The following NEB variants were observed in gnomAD, a reference collection of about 807,000 sequenced individuals.
The protein encoded by NEB is nemaline myopathy type 2.
NEB carries 512 observed loss-of-function variants against 952.2 expected under a neutral mutation model. That is an observed-to-expected ratio of 0.54 (90% CI 0.50 to 0.58). NEB has a LOEUF of 0.58. Ranked by LOEUF, NEB falls within the 20% of genes least tolerant of loss-of-function variation. NEB has a pLI of 0.00. For missense variants in NEB, 8,428 were observed against 9,231.1 expected (o/e 0.91, Z 3.56); for synonymous variants, 2,900 against 3,149.8 (o/e 0.92, Z 2.66).
chr2:151,635,583 G>A (rs996411380), intron 64 of NEB, among the ~76,000 whole-genome samples: 4 of 151,904 alleles, frequency 2.6e-5, no homozygotes, highest in African/African-American at 9.7e-5. Flanking sequence ...GTGAGTGCCT[G>A]TAATCCCAGC....
rs772315688 is a variant in NEB at position 151,672,501 on chromosome 2, G to A, written c.4167C>T (p.Ser1389=). The A allele has an allele frequency of 6.2e-7, 1 of 1,614,000 alleles. No individual in the cohort carries two copies. The highest frequency in any genetic ancestry group is 1.1e-5 in the South Asian group (1 of 91,082). Residue 1389 remains serine (S), a synonymous_variant, in exon 37 of 182, where the codon AGC becomes AGT. Transcript: ENST00000397345. ...TSYHTPGDMV[S]ITAAKMAQDV... ...CCTGGGCCATCTTTGCAGCTGTGAT[G>A]CTAACCATGTCCCCAGGGGTATGGT...
chr2:151,527,626 G>T, intron 146 of NEB, 41 bp from the exon 147 acceptor site: 1 of 1,459,170 alleles, frequency 6.9e-7, no homozygotes, highest in South Asian at 1.2e-5. Context: ...TGATTCAGTA[G>T]GCTAAATTCA....
Position 151,642,762 on chromosome 2 carries a change from T to A in NEB, c.8265+3A>T, listed in dbSNP as rs374475460. ...TATCACGCACTATGAATATATTACT[T>A]ACCTCACTGTAATTTACTTTGTTTT... On this transcript the variant is annotated splice_donor_region_variant and intron_variant, in intron 59 of 181. Transcript: ENST00000397345. 4.3e-5 allele frequency: 69 copies of A among 1,606,268 alleles called. No homozygotes were observed. Among genetic ancestry groups the A allele is most frequent in the Middle Eastern group, 1.6e-4 (1 of 6,070 alleles).
At chr2:151,526,870 G>T (rs1468701151) in intron 148 of NEB, 48 bp downstream of exon 148, 5 of 1,297,040 alleles carry the variant, frequency 3.9e-6, no homozygotes, top group Admixed American at 3.9e-5. Flanking sequence ...TACCATGGAA[G>T]ATGGCCCTGA....
chr2:151,718,483 A>G (rs1305661902), intron 9 of NEB, among the ~76,000 whole-genome samples: 3 of 152,140 alleles, frequency 2.0e-5, no homozygotes, highest in African/African-American at 7.2e-5. Context: ...TAAAACCCCA[A>G]CACTGTCCTT....
Position 151,666,304 on chromosome 2 carries a change from G to A in NEB, c.4817C>T (p.Ala1606Val). 1 of 1,613,868 alleles carries A rather than the reference G, an allele frequency of 6.2e-7. No individual in the cohort carries two copies. The highest frequency in any genetic ancestry group is 2.2e-5 in the East Asian group (1 of 44,862). The change falls in exon 41 of 182, where the codon GCC (alanine) becomes GTC (valine). Residue 1606 changes from alanine to valine, a missense_variant. This residue lies in a region of NEB where 2,851 missense variants were observed against 2,791.5 expected (regional missense o/e 1.02). Coordinates refer to ENST00000397345, the MANE Select transcript of NEB (RefSeq NM_001164508.2). Reference sequence around the variant, plus strand: ...GTACTCACGATCAGACTGGATTTTGGCCACATTCATGTAGTGAACCAGTTT... The same window carrying A: ...GTACTCACGATCAGACTGGATTTTGACCACATTCATGTAGTGAACCAGTTT... The part of the protein sequence containing the change: ...DPKLVHYMNV[A>V]KIQSDREYKK...
intron 39 of NEB, among the ~76,000 whole-genome samples, chr2:151,668,414 G>A (rs1393275977): frequency 1.3e-5 from 2 of 152,034 alleles, no homozygotes; most frequent in Admixed American, 6.6e-5. Flanking sequence ...AAAAGCACAG[G>A]AATGTATAGT....
chr2:151,575,653 G>T, intron 107 of NEB, 42 bp downstream of exon 107: 1 of 1,363,316 alleles, frequency 7.3e-7, no homozygotes, highest in Non-Finnish European at 1.0e-6. Context: ...GCCCTGACTG[G>T]GTAACTTTCC....
chr2:151,528,419 A>G (rs75687497), intron 146 of NEB, among the ~76,000 whole-genome samples: 1 of 152,340 alleles, frequency 6.6e-6, no homozygotes, highest in East Asian at 1.9e-4. Context: ...TCAAACATAC[A>G]AAAATGTTGC....
Position 151,535,569 on chromosome 2 carries a change from T to C in NEB, c.21312+122A>G. 3 of 602,960 alleles carry C rather than the reference T, an allele frequency of 5.0e-6. No homozygotes were observed. The South Asian group carries it at 7.0e-5, about 14-fold the overall frequency. The allele number at this position is 602,960 out of a possible 1,614,324, so 37.4% of individuals were successfully genotyped here. ...TATAGAGTCTTTTCCAAATCTTTAG[T>C]TAAAATGAAAACTTAGGATGGCTTT... On this transcript the variant is annotated intron_variant, in intron 142 of 181. Coordinates refer to ENST00000397345, the MANE Select transcript of NEB (RefSeq NM_001164508.2).
chr2:151,566,488 T>C (rs981956677), intron 114 of NEB, among the ~76,000 whole-genome samples: 1 of 152,190 alleles, frequency 6.6e-6, no homozygotes, highest in Non-Finnish European at 1.5e-5. Flanking sequence ...CTTTTGTTAA[T>C]GATGAGAAGA....
At position 151,535,857 on chromosome 2, in the gene NEB, G is replaced by A; in HGVS notation, c.21208-62C>T. ...TATGATTATCTTAAGAATGAGACAT[G>A]CTGTTTATCATATGATATAATTGTG... On this transcript the variant is annotated intron_variant, in intron 141 of 181. Coordinates refer to ENST00000397345, the MANE Select transcript of NEB (RefSeq NM_001164508.2). The A allele has an allele frequency of 4.7e-6, 4 of 852,852 alleles. No homozygotes were observed. The Admixed American group carries it at 9.2e-5, about 20-fold the overall frequency. 52.8% of individuals were successfully genotyped at this position (852,852 alleles called of 1,614,324 possible).
At chr2:151,517,231 G>A (rs1225056342) in intron 156 of NEB, among the ~76,000 whole-genome samples, 7 of 152,150 alleles carry the variant, frequency 4.6e-5, no homozygotes, top group Non-Finnish European at 1.5e-5. Context: ...AAGAATCAGG[G>A]GAGCCACATA....
chr2:151,525,167 C>T lies in NEB; in HGVS notation c.22268G>A (p.Ser7423Asn), dbSNP rs759974940. 8 of 1,612,458 alleles carry T rather than the reference C, an allele frequency of 5.0e-6. No homozygotes were observed. Among genetic ancestry groups the T allele is most frequent in the Non-Finnish European group, 6.8e-6 (8 of 1,178,592 alleles). Reference sequence around the variant, plus strand: ...GTGTTGAGAGGGAAAACTTACATCACTTTGCTTCTTGGCCACTTCCATAGC... The same window carrying T: ...GTGTTGAGAGGGAAAACTTACATCATTTTGCTTCTTGGCCACTTCCATAGC... ...KHAMEVAKKQ[S>N]DVAYRKDAKE... is the part of the protein sequence containing the mutation. Residue 7423 changes from serine to asparagine, a missense_variant, in exon 151 of 182, where the codon AGT becomes AAT. Coordinates refer to ENST00000397345, the MANE Select transcript of NEB (RefSeq NM_001164508.2).
At chr2:151,527,449 A>G (rs1356081034) in intron 147 of NEB, 32 bp downstream of exon 147, 15 of 1,443,528 alleles carry the variant, frequency 1.0e-5, no homozygotes. Context: ...TGCAGTATGC[A>G]GTTACAATCG....
chr2:151,665,100 A>G (rs1025566686), intron 42 of NEB, among the ~76,000 whole-genome samples: 1 of 152,156 alleles, frequency 6.6e-6, no homozygotes, highest in African/African-American at 2.4e-5. Flanking sequence ...CCGCACAACC[A>G]TGTGGAGTTT....
chr2:151,485,953 A>C lies in NEB; in HGVS notation c.25405-20T>G. 6.2e-7 allele frequency: 1 copy of C among 1,611,674 alleles called. No individual in the cohort carries two copies. Among genetic ancestry groups the C allele is most frequent in the Non-Finnish European group, 8.5e-7 (1 of 1,178,590 alleles). ...GATTTTCTATTCGTGGGGATGGAAA[A>C]GGGGAAATATTATATGTTGGATTTG... On this transcript the variant is annotated intron_variant, in intron 181 of 181. Coordinates refer to ENST00000397345, the MANE Select transcript of NEB (RefSeq NM_001164508.2).
intron 166 of NEB, 82 bp downstream of exon 166, chr2:151,503,267 T>A (rs976447775): frequency 2.6e-5 from 26 of 1,012,620 alleles, no homozygotes; most frequent in Non-Finnish European, 3.7e-5. Context: ...GCTGTTAAGA[T>A]GTTACTTTCT....
Position 151,517,620 on chromosome 2 carries a change from T to G in NEB, c.22800+698A>C, listed in dbSNP as rs1331747912. ...TACACTTACACAAACCTAGATGGTATAGCCTACTACACACCTAGGCTATAT... is the reference window on the plus strand; with the variant it reads ...TACACTTACACAAACCTAGATGGTAGAGCCTACTACACACCTAGGCTATAT... On this transcript the variant is annotated intron_variant, in intron 156 of 181. Transcript: ENST00000397345. 3.3e-5 allele frequency among the ~76,000 whole-genome samples: 5 copies of G among 152,212 alleles called. 1 individual carries two copies. The highest frequency in any genetic ancestry group is 7.3e-5 in the Non-Finnish European group (5 of 68,032).
Sources: gnomAD v4.1 joint callset for allele counts (sites outside exome capture counted in the v4.1 genomes callset) on GRCh38, gnomAD v4.1.1 for gene constraint, gnomAD v4.1.1 regional missense constraint, MANE v1.5 for transcripts, NCBI Gene and HGNC (gene_info 2026-07-23, HGNC 2026-07-21) for gene names.